NUDCD3: variants seen among roughly 807,000 people sequenced by gnomAD.
NUDCD3 encodes the protein nudC domain-containing protein 3.
NUDCD3 carries 13 observed loss-of-function variants against 39.7 expected under a neutral mutation model. The ratio of observed to expected loss-of-function variants is 0.33; its 90% CI spans 0.21 to 0.52. The LOEUF (loss-of-function observed/expected upper bound fraction) is 0.52, where lower values mean the gene tolerates loss of function less well. Among genes scored for constraint, NUDCD3 ranks in the 20% least tolerant of loss-of-function variants. NUDCD3 has a pLI of 0.96. For synonymous variants in NUDCD3, 175 were observed against 172.4 expected (o/e 1.02, Z -0.12); for missense variants, 453 against 458.1 (o/e 0.99, Z 0.10).
intron 2 of NUDCD3, among the ~76,000 whole-genome samples, chr7:44,432,769 C>T (rs1236528637): frequency 6.6e-6 from 1 of 152,334 alleles, no homozygotes; most frequent in Middle Eastern, 3.4e-3. Context: ...GCAAAGATGA[C>T]AACATCCCTG....
At chr7:44,456,507 A>G (rs1027868073) in intron 2 of NUDCD3, among the ~76,000 whole-genome samples, 1 of 152,126 alleles carries the variant, frequency 6.6e-6, no homozygotes, top group Non-Finnish European at 1.5e-5. Flanking sequence ...TGGTGCCCAC[A>G]TCTATAATCT....
chr7:44,443,018 GCACCTTCATACTTAA>G (rs1401074147), intron 2 of NUDCD3, among the ~76,000 whole-genome samples: 2 of 152,062 alleles, frequency 1.3e-5, no homozygotes, highest in Non-Finnish European at 2.9e-5. Flanking sequence ...TTTCTTTATA[GCACCTTCATACTTAA>G]CACCATGACA....
rs1798357708 is a variant in NUDCD3 at position 44,384,098 on chromosome 7, CAA to C, written c.*1911_*1912del. 6.6e-6 allele frequency: 1 copy of C among 152,212 alleles called. No individual in the cohort carries two copies. Among genetic ancestry groups the C allele is most frequent in the African/African-American group, 2.4e-5 (1 of 41,452 alleles). The allele number at this position is 152,212 out of a possible 1,614,324, so 9.4% of individuals were successfully genotyped here. Reference sequence around the variant, plus strand: ...AGTCACCATGGAAGTGAATGACTCTCAAAGTCTCCCAAATAACAAGGTGTAGG... The same window carrying C: ...AGTCACCATGGAAGTGAATGACTCTCAGTCTCCCAAATAACAAGGTGTAGG... On this transcript the variant is annotated 3_prime_UTR_variant, in exon 6 of 6. Transcript: ENST00000355451.
intron 3 of NUDCD3, among the ~76,000 whole-genome samples, chr7:44,408,177 C>T (rs1309294224): frequency 6.6e-6 from 1 of 152,292 alleles, no homozygotes; most frequent in African/African-American, 2.4e-5. Flanking sequence ...ATTCTACATA[C>T]ACCCAAACTG....
At chr7:44,461,436 T>C (rs919718856) in intron 2 of NUDCD3, among the ~76,000 whole-genome samples, 2 of 152,176 alleles carry the variant, frequency 1.3e-5, no homozygotes, top group African/African-American at 2.4e-5. Context: ...AGAGAAGTCT[T>C]CTCTTAAAAT....
rs544604814 is a variant in NUDCD3, at chr7:44,379,132, G to A, written c.*6879C>T. On this transcript the variant is annotated 3_prime_UTR_variant, in exon 6 of 6. Transcript: ENST00000355451. ...AACTCACAAAGATACTGATTTATAC[G>A]GTTTACAAATACACGTACAGTGAAA... 2 of 152,012 alleles carry A rather than the reference G, an allele frequency of 1.3e-5. No homozygotes were observed. Among genetic ancestry groups the A allele is most frequent in the South Asian group, 2.1e-4 (1 of 4,806 alleles). The allele number at this position is 152,012 out of a possible 1,614,324, so 9.4% of individuals were successfully genotyped here.
intron 2 of NUDCD3, among the ~76,000 whole-genome samples, chr7:44,477,604 C>T (rs1164811909): frequency 2.0e-5 from 3 of 152,082 alleles, no homozygotes; most frequent in African/African-American, 7.2e-5. Context: ...CAACACCAAA[C>T]CCTACCGTGA....
At chr7:44,462,945 C>CTGTGTGTGTG (rs3138779) in intron 2 of NUDCD3, among the ~76,000 whole-genome samples, 112 of 146,788 alleles carry the variant, frequency 7.6e-4, no homozygotes, top group South Asian at 2.2e-3. Flanking sequence ...CACAACCAGG[C>CTGTGTGTGTG]TGTGTGTGTG....
Position 44,406,248 on chromosome 7 carries a change from T to C in NUDCD3, c.643-1665A>G, listed in dbSNP as rs150466469. Among the ~76,000 whole-genome samples the C allele has an allele frequency of 4.5e-4, 69 of 152,326 alleles. 2 individuals carry two copies. The East Asian group carries it at 0.013, about 28-fold the overall frequency. ...TTCACATGCAGACTCCAAGGAAGCA[T>C]CCTCTCATGAGATCGCAGTTCCACT... On this transcript the variant is annotated intron_variant, in intron 3 of 5. Coordinates refer to ENST00000355451, the MANE Select transcript of NUDCD3 (RefSeq NM_015332.4).
At chr7:44,412,215 CA>C (rs1563168852) in intron 3 of NUDCD3, among the ~76,000 whole-genome samples, 1 of 152,072 alleles carries the variant, frequency 6.6e-6, no homozygotes, top group East Asian at 1.9e-4. Context: ...TGGATATATC[CA>C]AAAAACACAT....
chr7:44,476,983 G>A (rs777060863), intron 2 of NUDCD3, among the ~76,000 whole-genome samples: 4 of 152,048 alleles, frequency 2.6e-5, no homozygotes, highest in Non-Finnish European at 4.4e-5. Flanking sequence ...ATCTGCCAAG[G>A]ACACTATTAG....
At chr7:44,402,792 C>T (rs1798749993) in intron 4 of NUDCD3, 2 of 433,490 alleles carry the variant, frequency 4.6e-6, no homozygotes, top group Admixed American at 4.8e-5. Flanking sequence ...AGATGGCAAC[C>T]CCAGGATCAC....
chr7:44,440,602 C>G (rs990430783), intron 2 of NUDCD3, among the ~76,000 whole-genome samples: 1 of 149,970 alleles, frequency 6.7e-6, no homozygotes, highest in Non-Finnish European at 1.5e-5. Flanking sequence ...ATATATCATG[C>G]CAACTAACAC....
At chr7:44,436,186 G>T (rs190902326) in intron 2 of NUDCD3, among the ~76,000 whole-genome samples, 1 of 152,280 alleles carries the variant, frequency 6.6e-6, no homozygotes, top group African/African-American at 2.4e-5. Flanking sequence ...TTACAAATTT[G>T]TAAGATAAGA....
chr7:44,476,918 C>T (rs1220702163), intron 2 of NUDCD3, among the ~76,000 whole-genome samples: 1 of 152,096 alleles, frequency 6.6e-6, no homozygotes, highest in Non-Finnish European at 1.5e-5. Context: ...GTGAAGAGTG[C>T]CCATACCTAC....
intron 3 of NUDCD3, among the ~76,000 whole-genome samples, chr7:44,419,065 T>C (rs1799084662): frequency 6.6e-6 from 1 of 151,920 alleles, no homozygotes; most frequent in Non-Finnish European, 1.5e-5. Context: ...CAGTGGCACC[T>C]GGAACCCCAG....
intron 2 of NUDCD3, chr7:44,467,842 G>T: frequency 2.5e-6 from 3 of 1,214,788 alleles, no homozygotes; most frequent in Non-Finnish European, 3.5e-6. Flanking sequence ...GAAAAGAAAA[G>T]GCTCTCTTCC....
chr7:44,475,429 T>C (rs1020488338), intron 2 of NUDCD3, among the ~76,000 whole-genome samples: 2 of 152,146 alleles, frequency 1.3e-5, no homozygotes, highest in African/African-American at 2.4e-5. Context: ...TTTATAAATA[T>C]ACATACATGT....
chr7:44,462,136 G>A (rs1585095269), intron 2 of NUDCD3, among the ~76,000 whole-genome samples: 2 of 152,146 alleles, frequency 1.3e-5, no homozygotes, highest in East Asian at 3.9e-4. Context: ...AATTATCAGG[G>A]ACATGTACAC....
Sources: allele counts gnomAD v4.1 joint callset (sites outside exome capture counted in the v4.1 genomes callset), GRCh38; gene constraint gnomAD v4.1.1; transcripts MANE v1.5; gene names NCBI Gene and HGNC (gene_info 2026-07-23, HGNC 2026-07-21).